The following BRWD1 variants were observed in gnomAD, a reference collection of about 807,000 sequenced individuals.
BRWD1 encodes bromodomain and WD repeat domain containing 1, also known as bromodomain and WD repeat-containing protein 1.
A neutral mutation model predicts 251.2 loss-of-function variants in BRWD1; 82 were observed. The observed-to-expected ratio is 0.33, with a 90% CI of 0.27 to 0.39. The LOEUF (loss-of-function observed/expected upper bound fraction) is 0.39, where lower values mean the gene tolerates loss of function less well. BRWD1 is among the 10% of genes least tolerant of loss of function. The pLI, the probability that BRWD1 is intolerant of heterozygous loss-of-function variation, is 1.00. For missense variants in BRWD1, 2,233 were observed against 2,711.6 expected (o/e 0.82, Z 3.92); for synonymous variants, 918 against 902.8 (o/e 1.02, Z -0.30).
intron 20 of BRWD1, among the ~76,000 whole-genome samples, chr21:39,249,299 A>G (rs925765231): frequency 3.9e-5 from 6 of 152,220 alleles, no homozygotes; most frequent in Non-Finnish European, 5.9e-5. Flanking sequence ...CCAAAACCCT[A>G]TGACTCGCAA....
intron 5 of BRWD1, 61 bp from the exon 6 acceptor site, chr21:39,296,424 T>C (rs1381570943): frequency 1.5e-5 from 22 of 1,476,190 alleles, no homozygotes; most frequent in Non-Finnish European, 2.0e-5. Context: ...AAAGATTTTA[T>C]AGAATACTTA....
chr21:39,317,006 T>C (rs1191640070), upstream of BRWD1: 4 of 152,210 alleles, frequency 2.6e-5, no homozygotes, highest in Admixed American at 2.6e-4. Context: ...CAACTTACTA[T>C]CACATTCATG....
At chr21:39,210,246 G>C (rs1257731643) in intron 35 of BRWD1, 99 bp from the exon 36 acceptor site, 3 of 1,037,338 alleles carry the variant, frequency 2.9e-6, no homozygotes, top group Non-Finnish European at 4.2e-6. Context: ...ATGGAAGAGA[G>C]GAAAAGGTTA....
At chr21:39,263,618 G>T (rs761927146) in intron 17 of BRWD1, among the ~76,000 whole-genome samples, 1 of 152,118 alleles carries the variant, frequency 6.6e-6, no homozygotes, top group African/African-American at 2.4e-5. Context: ...GACGCAATGA[G>T]GGAGCAATGA....
chr21:39,206,075 A>G, intron 37 of BRWD1, 33 bp downstream of exon 37: 1 of 1,575,934 alleles, frequency 6.3e-7, no homozygotes, highest in Non-Finnish European at 8.6e-7. Context: ...AATTAAATAA[A>G]TAAATAAAGC....
At chr21:39,217,066 TATATATATA>T (rs2032963335) in intron 31 of BRWD1, 1 of 55,904 alleles carries the variant, frequency 1.8e-5, no homozygotes, top group Non-Finnish European at 2.8e-5. Context: ...TATATATATA[TATATATATA>T]TATATATATT....
At chr21:39,255,922 CA>C (rs1555864819) in intron 18 of BRWD1, 94 bp from the exon 19 acceptor site, 3 of 1,108,132 alleles carry the variant, frequency 2.7e-6, no homozygotes, top group Non-Finnish European at 3.9e-6. Flanking sequence ...AGATGCGCAC[CA>C]AAAATAAAGA....
chr21:39,274,147 C>T (rs2146683758), intron 13 of BRWD1, among the ~76,000 whole-genome samples: 1 of 152,290 alleles, frequency 6.6e-6, no homozygotes, highest in Admixed American at 6.5e-5. Context: ...AGAAAAAGTA[C>T]ATGTTATTCT....
At chr21:39,299,207 GA>G (rs2036038965) in intron 4 of BRWD1, among the ~76,000 whole-genome samples, 1 of 142,428 alleles carries the variant, frequency 7.0e-6, no homozygotes, top group African/African-American at 2.6e-5. Flanking sequence ...TGGGCAACAA[GA>G]AAAAAATATA....
intron 3 of BRWD1, 54 bp from the exon 4 acceptor site, chr21:39,312,954 G>C (rs1241587677): frequency 1.2e-5 from 5 of 416,320 alleles, no homozygotes; most frequent in Admixed American, 6.0e-5. Context: ...CGGGGGGGGC[G>C]GGGGGCGGGG....
chr21:39,210,238 G>T, intron 35 of BRWD1, 91 bp from the exon 36 acceptor site: 1 of 1,100,344 alleles, frequency 9.1e-7, no homozygotes, highest in Non-Finnish European at 1.3e-6. Context: ...GTGAAATGAT[G>T]GAAGAGAGGA....
chr21:39,200,992 ATTAG>A (rs1359870746), intron 38 of BRWD1, among the ~76,000 whole-genome samples: 2 of 151,294 alleles, frequency 1.3e-5, no homozygotes, highest in African/African-American at 2.5e-5. Context: ...TCAAAAATAA[ATTAG>A]TTAAATTAAT....
intron 34 of BRWD1, 68 bp downstream of exon 34, chr21:39,212,598 A>G: frequency 7.7e-7 from 1 of 1,302,186 alleles, no homozygotes; most frequent in Non-Finnish European, 1.1e-6. Flanking sequence ...GACAAAAACT[A>G]AAATCCTGAA....
Position 39,191,801 on chromosome 21 carries a change from C to CTT in BRWD1, c.*4456_*4457dup, listed in dbSNP as rs2146441928. On this transcript the variant is annotated 3_prime_UTR_variant, in exon 41 of 41. Coordinates refer to ENST00000342449, the MANE Select transcript of BRWD1 (RefSeq NM_033656.4). ...TTCAGTTAGGTCAATTGGACTGCCT[C>CTT]TTCTCTTTGGCAGTCTAAAATCTCA... 1 of 984,864 alleles carries CTT rather than the reference C, an allele frequency of 1.0e-6. No individual in the cohort carries two copies. Among genetic ancestry groups the CTT allele is most frequent in the South Asian group, 4.7e-5 (1 of 21,278 alleles). The allele number at this position is 984,864 out of a possible 1,614,324, so 61.0% of individuals were successfully genotyped here.
rs77686446 is a variant in BRWD1 at position 39,281,460 on chromosome 21, C to T, written c.832-1212G>A. ...CTGTAATCCCAGCGCTTTGTGGGGC[C>T]GAGGAGTGAGAATTGCTTGAGTCCA... On this transcript the variant is annotated intron_variant, in intron 8 of 40. Transcript: ENST00000342449. Among the ~76,000 whole-genome samples, 348 of 152,082 alleles carry T rather than the reference C, an allele frequency of 2.3e-3. 2 individuals carry two copies. Among genetic ancestry groups the T allele is most frequent in the African/African-American group, 8.0e-3 (331 of 41,496 alleles).
At chr21:39,319,795 A>C (rs1026744019) in intron 1 of BRWD1, among the ~76,000 whole-genome samples, 5 of 152,152 alleles carry the variant, frequency 3.3e-5, no homozygotes, top group African/African-American at 1.2e-4. Flanking sequence ...TCAATCATCA[A>C]CAAGCATCCT....
chr21:39,297,826 C>T (rs2035999211), intron 5 of BRWD1: 1 of 943,270 alleles, frequency 1.1e-6, no homozygotes, highest in African/African-American at 1.8e-5. Flanking sequence ...AGCAGTTTAG[C>T]CACATGTACA....
intron 1 of BRWD1, 43 bp downstream of exon 1, chr21:39,313,392 CCGAAGCAG>C (rs1479352246): frequency 6.8e-7 from 1 of 1,470,426 alleles, no homozygotes; most frequent in Admixed American, 2.4e-5. Context: ...GCCGGGGAAG[CCGAAGCAG>C]CCGGGAGCGC....
At chr21:39,203,425 C>T (rs1404943546) in intron 37 of BRWD1, among the ~76,000 whole-genome samples, 3 of 128,812 alleles carry the variant, frequency 2.3e-5, no homozygotes, top group Non-Finnish European at 5.2e-5. Context: ...GGCAACAGAG[C>T]AAGACCCTGG....
Sources: allele counts gnomAD v4.1 joint callset (sites outside exome capture counted in the v4.1 genomes callset), GRCh38; gene constraint gnomAD v4.1.1; transcripts MANE v1.5; gene names NCBI Gene and HGNC (gene_info 2026-07-23, HGNC 2026-07-21).